The following ATP6V0D1 variants were observed in gnomAD, a reference collection of about 807,000 sequenced individuals.
The protein encoded by ATP6V0D1 is V-type proton ATPase subunit d 1.
In ATP6V0D1, 13 loss-of-function variants were observed where a neutral mutation model predicts 39.0. That is an observed-to-expected ratio of 0.33 (90% CI 0.22 to 0.53). The LOEUF (loss-of-function observed/expected upper bound fraction) is 0.53, where lower values mean the gene tolerates loss of function less well. Ranked by LOEUF, ATP6V0D1 falls within the 20% of genes least tolerant of loss-of-function variation. The pLI is 0.94. For missense variants in ATP6V0D1, 272 were observed against 470.9 expected (o/e 0.58, Z 3.91); for synonymous variants, 191 against 191.2 (o/e 1.00, Z 0.01).
At chr16:67,480,198 C>CAAAAA (rs5817621) in intron 1 of ATP6V0D1, among the ~76,000 whole-genome samples, 4 of 29,572 alleles carry the variant, frequency 1.4e-4, no homozygotes, top group Admixed American at 3.0e-4. Flanking sequence ...GACTCCGTCT[C>CAAAAA]AAAAAAAAAA....
chr16:67,441,788 C>T (rs1219645105), intron 4 of ATP6V0D1: 2 of 152,256 alleles, frequency 1.3e-5, no homozygotes, highest in Non-Finnish European at 1.5e-5. Context: ...CTTCCTAGTT[C>T]CTAGCGCAGT....
In ATP6V0D1 at chr16:67,443,099, C is replaced by G. The variant is rs1243589429; in HGVS notation, c.561G>C (p.Lys187Asn). ...NIEIIRNTLY[K>N]AYLESFYKFC... ...CCCCATGGCTTGTGTGGGGCATTACCTTGTAGAGGGTGTTGCGGATGATCT... is the reference window on the plus strand; with the variant it reads ...CCCCATGGCTTGTGTGGGGCATTACGTTGTAGAGGGTGTTGCGGATGATCT... The change falls in exon 4 of 8, where the codon AAG becomes AAC. Residue 187 changes from lysine (K) to asparagine (N), a missense_variant and splice_region_variant. Around this residue, in one of 4 missense-constraint regions of ATP6V0D1, gnomAD observed 135 missense variants for 273.8 expected, o/e 0.49. Transcript: ENST00000290949. The G allele has an allele frequency of 6.2e-7, 1 of 1,613,606 alleles. No individual in the cohort carries two copies. The highest frequency in any genetic ancestry group is 2.2e-5 in the East Asian group (1 of 44,888).
Position 67,439,345 on chromosome 16 carries a change from G to C in ATP6V0D1, c.568C>G (p.Leu190Val). 1 of 1,614,080 alleles carries C rather than the reference G, an allele frequency of 6.2e-7. No individual in the cohort carries two copies. Among genetic ancestry groups the C allele is most frequent in the South Asian group, 1.1e-5 (1 of 91,080 alleles). The change falls in exon 5 of 8, where the codon CTG (leucine) becomes GTG (valine). Residue 190 changes from leucine to valine, a missense_variant. Leu to Val is a conservative substitution (Grantham distance 32). Around this residue, in one of 4 missense-constraint regions of ATP6V0D1, gnomAD observed 135 missense variants for 273.8 expected, o/e 0.49. Transcript: ENST00000290949. ...GTGCAGAACTTGTAGAAGGACTCCAGGTAGGCCTGTAGAGAGTATGGAGCT... is the reference window on the plus strand; with the variant it reads ...GTGCAGAACTTGTAGAAGGACTCCACGTAGGCCTGTAGAGAGTATGGAGCT... ...IIRNTLYKAY[L>V]ESFYKFCTLL...
rs942619733 is a variant in ATP6V0D1 at position 67,453,256 on chromosome 16, G to A, written c.302+288C>T. On this transcript the variant is annotated intron_variant, in intron 2 of 7. Transcript: ENST00000290949. The surrounding 1 kb of genome is among the most constrained non-coding windows in gnomAD (Gnocchi z 4.1). ...AAGAGGCTTCATCCAGCACTACTGC[G>A]TGGGACACTCTTGCCTGCCCATCAT... Among the ~76,000 whole-genome samples the A allele has an allele frequency of 2.6e-5, 4 of 152,196 alleles. No individual in the cohort carries two copies. The highest frequency in any genetic ancestry group is 6.5e-5 in the Admixed American group (1 of 15,280).
chr16:67,476,654 C>T (rs1279099342), intron 1 of ATP6V0D1, among the ~76,000 whole-genome samples: 28 of 152,094 alleles, frequency 1.8e-4, no homozygotes, highest in Admixed American at 1.8e-3. Flanking sequence ...TTTGCAACCC[C>T]CGATGAAACG....
chr16:67,443,094 A>G lies in ATP6V0D1; in HGVS notation c.561+5T>C, dbSNP rs2041072983. 1.2e-6 allele frequency: 2 copies of G among 1,613,248 alleles called. No individual in the cohort carries two copies. Among genetic ancestry groups the G allele is most frequent in the African/African-American group, 1.3e-5 (1 of 74,912 alleles). ...CAATCCCCCATGGCTTGTGTGGGGC[A>G]TTACCTTGTAGAGGGTGTTGCGGAT... On this transcript the variant is annotated splice_donor_5th_base_variant and intron_variant, in intron 4 of 7. Coordinates refer to ENST00000290949, the MANE Select transcript of ATP6V0D1 (RefSeq NM_004691.5).
At chr16:67,458,014 C>T (rs1384841441) in intron 1 of ATP6V0D1, among the ~76,000 whole-genome samples, 1 of 152,200 alleles carries the variant, frequency 6.6e-6, no homozygotes, top group Non-Finnish European at 1.5e-5. Flanking sequence ...AACCCCACAT[C>T]TCCCTGTGAC....
At chr16:67,445,417 G>A (rs968761128) in intron 2 of ATP6V0D1, among the ~76,000 whole-genome samples, 1 of 152,210 alleles carries the variant, frequency 6.6e-6, no homozygotes, top group African/African-American at 2.4e-5. Context: ...AAAGGCTGAG[G>A]AGTGGAGTGG....
At chr16:67,446,703 C>CT (rs1034841007) in intron 2 of ATP6V0D1, among the ~76,000 whole-genome samples, 4 of 152,184 alleles carry the variant, frequency 2.6e-5, no homozygotes, top group African/African-American at 7.2e-5. Context: ...CCGCAATACT[C>CT]TAACTGCACC....
Position 67,439,077 on chromosome 16 carries a change from C to T in ATP6V0D1, c.710G>A (p.Arg237His). 1.9e-6 allele frequency: 3 copies of T among 1,614,208 alleles called. No homozygotes were observed. Among genetic ancestry groups the T allele is most frequent in the Non-Finnish European group, 2.5e-6 (3 of 1,180,038 alleles). The change falls in exon 6 of 8, where the codon CGT (arginine) becomes CAT (histidine). Residue 237 changes from arginine to histidine, a missense_variant. Physicochemically the swap from Arg to His is conservative, Grantham distance 29. This residue lies in a region of ATP6V0D1 where 135 missense variants were observed against 273.8 expected (regional missense o/e 0.49). Coordinates refer to ENST00000290949, the MANE Select transcript of ATP6V0D1 (RefSeq NM_004691.5). ...CCCACAGTGTGGAAAGAGCTTGGCA[C>T]GGTCCTCTTTGGACAGCTCTGTGCC... ...SFGTELSKED[R>H]AKLFPHCGRL...
intron 1 of ATP6V0D1, among the ~76,000 whole-genome samples, chr16:67,463,920 A>G (rs2041309092): frequency 6.6e-6 from 1 of 152,242 alleles, no homozygotes; most frequent in Non-Finnish European, 1.5e-5. Context: ...AGTGGAAGCT[A>G]GGTCCAAATG....
intron 4 of ATP6V0D1, chr16:67,440,052 G>A (rs2041031712): frequency 1.3e-5 from 2 of 152,320 alleles, no homozygotes; most frequent in Non-Finnish European, 2.9e-5. Context: ...CCGTAGGCTG[G>A]TGAGGAAAGG....
intron 1 of ATP6V0D1, among the ~76,000 whole-genome samples, chr16:67,462,119 T>C (rs549710625): frequency 6.6e-6 from 1 of 152,144 alleles, no homozygotes; most frequent in Non-Finnish European, 1.5e-5. Flanking sequence ...TCTGACTGAG[T>C]GGAGATCCGC....
chr16:67,447,721 C>T lies in ATP6V0D1; in HGVS notation c.303-3015G>A, dbSNP rs191424234. On this transcript the variant is annotated intron_variant, in intron 2 of 7. Transcript: ENST00000290949. This position sits in a 1 kb window ranked among gnomAD's most constrained non-coding sequence, Gnocchi z 4.1. ...CATCTTGGGTTGGAGTTTAGGAAGCCACTTCCTCCAAGAAGCCTTCAGAGT... is the reference window on the plus strand; with the variant it reads ...CATCTTGGGTTGGAGTTTAGGAAGCTACTTCCTCCAAGAAGCCTTCAGAGT... Among the ~76,000 whole-genome samples the T allele has an allele frequency of 2.6e-3, 401 of 152,342 alleles. 2 individuals are homozygous for T. The highest frequency in any genetic ancestry group is 6.8e-3 in the Middle Eastern group (2 of 294).
intron 1 of ATP6V0D1, among the ~76,000 whole-genome samples, chr16:67,461,295 A>G (rs572358929): frequency 3.9e-5 from 6 of 152,186 alleles, no homozygotes; most frequent in Admixed American, 6.5e-5. Context: ...ACACTCTGCT[A>G]TCTCCTGGGG....
Position 67,481,049 on chromosome 16 carries a change from T to C in ATP6V0D1, c.38A>G (p.Asn13Ser). ...FFPELYFNVD[N>S]GYLEGLVRGL... ...GCGCACCAGTCCCTCCAAGTAGCCA[T>C]TGTCCACGTTAAAGTAAAGCTCCGG... The change falls in exon 1 of 8, where the codon AAT becomes AGT. Residue 13 changes from asparagine to serine, a missense_variant. Physicochemically the swap from Asn to Ser is conservative, Grantham distance 46. Coordinates refer to ENST00000290949, the MANE Select transcript of ATP6V0D1 (RefSeq NM_004691.5). 1 of 1,614,140 alleles carries C rather than the reference T, an allele frequency of 6.2e-7. No individual in the cohort carries two copies. The highest frequency in any genetic ancestry group is 1.1e-5 in the South Asian group (1 of 91,092).
chr16:67,470,568 G>A (rs940669618), intron 1 of ATP6V0D1, among the ~76,000 whole-genome samples: 3 of 152,226 alleles, frequency 2.0e-5, no homozygotes, highest in Non-Finnish European at 4.4e-5. Flanking sequence ...GGCTTCCAAG[G>A]CAGGCTTGCC....
intron 1 of ATP6V0D1, among the ~76,000 whole-genome samples, chr16:67,475,267 C>T (rs1237959070): frequency 6.6e-6 from 1 of 152,226 alleles, no homozygotes; most frequent in Non-Finnish European, 1.5e-5. Context: ...ACCTGCCACA[C>T]CATCAACATT....
At chr16:67,451,209 G>T (rs570068286) in intron 2 of ATP6V0D1, among the ~76,000 whole-genome samples, 3 of 152,294 alleles carry the variant, frequency 2.0e-5, no homozygotes, top group African/African-American at 7.2e-5. Flanking sequence ...GGGGGAGAGC[G>T]GCTCCAGGCT....
Sources: gnomAD v4.1 joint callset for allele counts (sites outside exome capture counted in the v4.1 genomes callset) on GRCh38, gnomAD v4.1.1 for gene constraint, gnomAD v4.1.1 regional missense constraint, Gnocchi (gnomAD v3.1) non-coding constraint, MANE v1.5 for transcripts, NCBI Gene and HGNC (gene_info 2026-07-23, HGNC 2026-07-21) for gene names.